The following ST8SIA6 variants were observed in gnomAD, a reference collection of about 807,000 sequenced individuals.
The protein encoded by ST8SIA6 is ST8 alpha-N-acetyl-neuraminide alpha-2,8-sialyltransferase 6.
ST8SIA6 carries 39 observed loss-of-function variants against 33.6 expected under a neutral mutation model. The ratio of observed to expected loss-of-function variants is 1.16; its 90% CI spans 0.90 to 1.52. The LOEUF is 1.52. Among genes scored for constraint, ST8SIA6 ranks in the 40% most tolerant of loss-of-function variants. The pLI is 0.00. For missense variants in ST8SIA6, 441 were observed against 443.8 expected, an observed-to-expected ratio of 0.99 and a Z score of 0.06; for synonymous variants, 172 against 167.2, an observed-to-expected ratio of 1.03 and a Z score of -0.22.
chr10:17,335,406 G>A (rs1329942579), intron 4 of ST8SIA6, among the ~76,000 whole-genome samples: 1 of 152,108 alleles, frequency 6.6e-6, no homozygotes, highest in Non-Finnish European at 1.5e-5. Flanking sequence ...AAAATACAAC[G>A]ATCTAATTTG....
rs1221529492 is a variant in ST8SIA6, at chr10:17,316,390, G to C, written c.*4488C>G. ...CCACACTATGGATCCAGTCAAGTTA[G>C]TTCACTGACTTCCGAAGAGACAGAT... On this transcript the variant is annotated 3_prime_UTR_variant, in exon 8 of 8. Transcript: ENST00000377602. Among the ~76,000 whole-genome samples, 1 of 152,084 alleles carries C rather than the reference G, an allele frequency of 6.6e-6. No homozygotes were observed. The highest frequency in any genetic ancestry group is 1.9e-4 in the East Asian group (1 of 5,198).
chr10:17,364,536 T>C (rs940298061), intron 3 of ST8SIA6, among the ~76,000 whole-genome samples: 3 of 152,224 alleles, frequency 2.0e-5, no homozygotes, highest in Admixed American at 1.3e-4. Flanking sequence ...TCTGACGTTA[T>C]AGAGGGGAAG....
At chr10:17,447,545 T>C (rs61844078) in intron 2 of ST8SIA6, among the ~76,000 whole-genome samples, 5,971 of 150,904 alleles carry the variant, frequency 0.04, 172 homozygotes, top group South Asian at 0.058. Context: ...ATTAGACTTA[T>C]GCAAATAAAT....
intron 3 of ST8SIA6, among the ~76,000 whole-genome samples, chr10:17,378,137 C>G (rs1849980884): frequency 6.6e-6 from 1 of 152,164 alleles, no homozygotes; most frequent in Non-Finnish European, 1.5e-5. Flanking sequence ...AAAAACAAAA[C>G]AACAGAGAAG....
At chr10:17,338,341 C>T (rs921566072) in intron 4 of ST8SIA6, among the ~76,000 whole-genome samples, 3 of 152,162 alleles carry the variant, frequency 2.0e-5, no homozygotes, top group African/African-American at 7.2e-5. Flanking sequence ...CTGTTATTCC[C>T]ATTTTAAAGA....
intron 2 of ST8SIA6, among the ~76,000 whole-genome samples, chr10:17,412,273 T>A (rs1041126476): frequency 1.3e-5 from 2 of 152,114 alleles, no homozygotes; most frequent in African/African-American, 4.8e-5. Context: ...CTCCAGCCAC[T>A]GCAACTCTAG....
chr10:17,330,896 AT>A (rs1438135192), intron 5 of ST8SIA6, among the ~76,000 whole-genome samples: 2 of 152,206 alleles, frequency 1.3e-5, no homozygotes, highest in African/African-American at 2.4e-5. Context: ...GAGTGCATAT[AT>A]GTACTGGGAA....
At chr10:17,408,940 CTT>C (rs112533742) in intron 2 of ST8SIA6, among the ~76,000 whole-genome samples, 11 of 138,312 alleles carry the variant, frequency 8.0e-5, no homozygotes, top group South Asian at 2.3e-4. Context: ...TTCTTTCTTT[CTT>C]TTTTTTTTTT....
At chr10:17,332,825 C>CT (rs956701897) in intron 4 of ST8SIA6, among the ~76,000 whole-genome samples, 1 of 152,078 alleles carries the variant, frequency 6.6e-6, no homozygotes, top group Non-Finnish European at 1.5e-5. Flanking sequence ...TGATGATGAG[C>CT]TTTTTTTCAT....
chr10:17,348,450 G>C (rs1848921241), intron 4 of ST8SIA6, among the ~76,000 whole-genome samples: 1 of 152,062 alleles, frequency 6.6e-6, no homozygotes, highest in African/African-American at 2.4e-5. Flanking sequence ...CAATTTACCA[G>C]GCCAAGTCCT....
chr10:17,383,083 T>G (rs954983019), intron 3 of ST8SIA6, among the ~76,000 whole-genome samples: 1 of 152,236 alleles, frequency 6.6e-6, no homozygotes, highest in Non-Finnish European at 1.5e-5. Context: ...GGCTTCTTGT[T>G]TAGAAAATTA....
intron 2 of ST8SIA6, among the ~76,000 whole-genome samples, chr10:17,447,024 CAAAAAAA>C (rs566049678): frequency 1.3e-4 from 8 of 63,378 alleles, no homozygotes; most frequent in South Asian, 5.2e-4. Context: ...GACTCTGTCT[CAAAAAAA>C]AAAAAAAAAA....
intron 4 of ST8SIA6, among the ~76,000 whole-genome samples, chr10:17,341,914 A>C (rs1848688924): frequency 1.3e-5 from 2 of 150,740 alleles, no homozygotes; most frequent in South Asian, 2.1e-4. Context: ...AAAAAAAAAA[A>C]AAAAAAACAA....
At chr10:17,336,481 C>G (rs189686719) in intron 4 of ST8SIA6, among the ~76,000 whole-genome samples, 1 of 152,238 alleles carries the variant, frequency 6.6e-6, no homozygotes, top group Admixed American at 6.5e-5. Flanking sequence ...CCTTCAAACA[C>G]TTCCTATCTC....
At chr10:17,332,876 T>G (rs566694772) in intron 4 of ST8SIA6, among the ~76,000 whole-genome samples, 48 of 152,368 alleles carry the variant, frequency 3.2e-4, no homozygotes, top group African/African-American at 1.1e-3. Flanking sequence ...GAGAAGTGTC[T>G]GTTCATATCC....
intron 2 of ST8SIA6, among the ~76,000 whole-genome samples, chr10:17,446,309 A>T (rs1391277608): frequency 2.0e-5 from 3 of 152,238 alleles, no homozygotes; most frequent in East Asian, 1.9e-4. Context: ...GAGAAAAATC[A>T]TACTTTTGAA....
intron 2 of ST8SIA6, among the ~76,000 whole-genome samples, chr10:17,450,634 G>T (rs530830902): frequency 1.3e-5 from 2 of 152,170 alleles, no homozygotes; most frequent in East Asian, 1.9e-4. Context: ...TAGAGACAAG[G>T]TTTCATCATG....
chr10:17,420,172 C>G (rs112920657), intron 2 of ST8SIA6, among the ~76,000 whole-genome samples: 4,938 of 152,248 alleles, frequency 0.032, 81 homozygotes, highest in South Asian at 0.055. Flanking sequence ...CCAGCACTTT[C>G]GGAGGCCGAG....
intron 4 of ST8SIA6, among the ~76,000 whole-genome samples, chr10:17,333,711 A>ATTTTT (rs1564405095): frequency 8.2e-5 from 2 of 24,370 alleles, no homozygotes; most frequent in African/African-American, 4.7e-4. Flanking sequence ...ATATATATAT[A>ATTTTT]TATATATTTT....
Sources: gnomAD v4.1 joint callset for allele counts (sites outside exome capture counted in the v4.1 genomes callset) on GRCh38, gnomAD v4.1.1 for gene constraint, MANE v1.5 for transcripts, NCBI Gene and HGNC (gene_info 2026-07-23, HGNC 2026-07-21) for gene names.